Variants in TKTL1 observed in about 807,000 individuals in gnomAD.
TKTL1 encodes the protein transketolase like 1.
TKTL1 carries 1 observed loss-of-function variant against 39.3 expected under a neutral mutation model. That is an observed-to-expected ratio of 0.03 (90% CI 0.01 to 0.12). The LOEUF (loss-of-function observed/expected upper bound fraction) is 0.12, where lower values mean the gene tolerates loss of function less well. TKTL1 is among the 10% of genes least tolerant of loss of function. The probability of loss-of-function intolerance (pLI) is 1.00; values close to 1 mark genes in which losing one functional copy is unlikely to be tolerated. For missense variants in TKTL1, 575 were observed against 509.6 expected (o/e 1.13, Z -1.24); for synonymous variants, 262 against 193.8 (o/e 1.35, Z -2.92).
chrX:154,316,956 G>GA lies in TKTL1; in HGVS notation c.1029+1620dup, dbSNP rs1444573585. ...GGCTAATTTTTGTGTTTTTAGTGGA[G>GA]ACAGGGTTTCACCATGTTGGTCAGG... On this transcript the variant is annotated intron_variant, in intron 7 of 12. Coordinates refer to ENST00000369915, the MANE Select transcript of TKTL1 (RefSeq NM_012253.4). 5.4e-5 allele frequency among the ~76,000 whole-genome samples: 6 copies of GA among 110,290 alleles called. No individual in the cohort carries two copies. In the East Asian group the frequency reaches 1.4e-3, roughly 26 times the overall value.
chrX:154,321,245 G>A (rs1186185786), intron 8 of TKTL1, among the ~76,000 whole-genome samples: 2 of 109,559 alleles, frequency 1.8e-5, no homozygotes, highest in Non-Finnish European at 3.8e-5. Flanking sequence ...GTCTAACTGA[G>A]GGTGAACAGC....
Position 154,329,758 on chromosome X carries a change from A to C in TKTL1, c.*70A>C. ...ATGTTTGTTCCAAAACCATCATTTA[A>C]ATCTCTACTGTCACATTTTGTTTCT... On this transcript the variant is annotated 3_prime_UTR_variant, in exon 13 of 13. Coordinates refer to ENST00000369915, the MANE Select transcript of TKTL1 (RefSeq NM_012253.4). 9.1e-7 allele frequency: 1 copy of C among 1,104,902 alleles called. No homozygotes were observed. The highest frequency in any genetic ancestry group is 1.2e-6 in the Non-Finnish European group (1 of 811,860). 91.1% of individuals were successfully genotyped at this position (1,104,902 alleles called of 1,213,427 possible). A position where few individuals can be genotyped will look rare whatever the true frequency, so the allele number is the denominator to read the frequency against.
At chrX:154,303,175 A>T (rs1270521468) in intron 1 of TKTL1, among the ~76,000 whole-genome samples, 2 of 92,688 alleles carry the variant, frequency 2.2e-5, no homozygotes, top group Non-Finnish European at 4.2e-5. Context: ...ATTTTTTAAA[A>T]TTTTTATTTA....
intron 3 of TKTL1, among the ~76,000 whole-genome samples, chrX:154,310,476 G>C (rs1249061991): frequency 1.8e-5 from 2 of 112,382 alleles, no homozygotes; most frequent in Non-Finnish European, 3.8e-5. Context: ...CTTTAAAAGG[G>C]AACTTACCAG....
intron 1 of TKTL1, among the ~76,000 whole-genome samples, chrX:154,296,216 C>A (rs782510189): frequency 2.7e-5 from 3 of 111,213 alleles, no homozygotes; most frequent in Non-Finnish European, 5.7e-5. Context: ...TGGTCAGCCG[C>A]GGGTTCTGGA....
At chrX:154,328,413 G>C (rs782650961) in intron 12 of TKTL1, among the ~76,000 whole-genome samples, 29 of 106,233 alleles carry the variant, frequency 2.7e-4, no homozygotes, top group African/African-American at 9.9e-4. Context: ...GGGTGTGGTG[G>C]TGCATGCCTG....
intron 6 of TKTL1, 52 bp from the exon 7 acceptor site, chrX:154,315,121 C>T: frequency 1.8e-6 from 2 of 1,137,662 alleles, no homozygotes; most frequent in Non-Finnish European, 1.2e-6. Context: ...GTAGTCGTTC[C>T]TTCTAAATGC....
intron 2 of TKTL1, among the ~76,000 whole-genome samples, chrX:154,306,749 A>G (rs1557167302): frequency 9.1e-6 from 1 of 109,348 alleles, no homozygotes; most frequent in Non-Finnish European, 1.9e-5. Flanking sequence ...CGATCTTCCC[A>G]TTTCAGCCTC....
At chrX:154,302,127 C>G (rs1331724439) in intron 1 of TKTL1, among the ~76,000 whole-genome samples, 1 of 110,792 alleles carries the variant, frequency 9.0e-6, no homozygotes, top group Non-Finnish European at 1.9e-5. Flanking sequence ...CTTTCGGGTT[C>G]TCAATCGCCC....
intron 7 of TKTL1, among the ~76,000 whole-genome samples, chrX:154,317,267 A>G (rs372723523): frequency 8.9e-6 from 1 of 112,167 alleles, no homozygotes; most frequent in East Asian, 2.8e-4. Flanking sequence ...ATTTAGTGCC[A>G]TGTTGAAAGA....
At chrX:154,323,894 C>T (rs782803800) in intron 9 of TKTL1, among the ~76,000 whole-genome samples, 1 of 112,579 alleles carries the variant, frequency 8.9e-6, no homozygotes, top group Admixed American at 9.4e-5. Flanking sequence ...CTGTTCAGAA[C>T]CTAGCTGCAC....
At position 154,315,260 on chromosome X, in the gene TKTL1, T is replaced by C. The variant is rs983313024; in HGVS notation, c.952T>C (p.Tyr318His). 1 of 1,210,967 alleles carries C rather than the reference T, an allele frequency of 8.3e-7. No individual in the cohort carries two copies. Among genetic ancestry groups the C allele is most frequent in the East Asian group, 3.0e-5 (1 of 33,826 alleles). Residue 318 changes from tyrosine to histidine, a missense_variant, in exon 7 of 13, where the codon TAC becomes CAC. Transcript: ENST00000369915. Reference protein sequence around the residue: ...RVVVLDGDTRYSTFSEIFNKE... With the variant: ...RVVVLDGDTRHSTFSEIFNKE... ...CGTTGTGCTGGATGGTGACACCAGG[T>C]ACTCTACTTTCTCTGAGATATTCAA...
rs1603351542 is a variant in TKTL1, at chrX:154,304,049, C to A, written c.135-1255C>A. Among the ~76,000 whole-genome samples the A allele has an allele frequency of 3.6e-5, 4 of 110,317 alleles. No individual in the cohort carries two copies. In the South Asian group the frequency reaches 1.6e-3, roughly 43 times the overall value. The stretch of plus-strand genomic sequence containing the variant: ...ACAAGGATGGGGTGGGAGTGTGTCA[C>A]CCCCCTTTCTACCGACCCTCAGCAG... On this transcript the variant is annotated intron_variant, in intron 1 of 12. Transcript: ENST00000369915.
intron 12 of TKTL1, 72 bp downstream of exon 12, chrX:154,328,030 C>G (rs1293145665): frequency 2.6e-6 from 3 of 1,147,122 alleles, no homozygotes; most frequent in Non-Finnish European, 3.6e-6. Context: ...ACATGGCATG[C>G]TCTCAGGCAT....
rs782275867 is a variant in TKTL1, at chrX:154,305,099, C to T, written c.135-205C>T. 8.1e-5 allele frequency: 93 copies of T among 1,146,574 alleles called. No homozygotes were observed. In the African/African-American group the frequency reaches 1.5e-3, roughly 18 times the overall value. The allele number at this position is 1,146,574 out of a possible 1,213,427, so 94.5% of individuals were successfully genotyped here. A position where few individuals can be genotyped will look rare whatever the true frequency, so the allele number is the denominator to read the frequency against. The stretch of plus-strand genomic sequence containing the variant: ...ACGGTGCTCTGCGGTTAGGAGCTGG[C>T]CTCACTGTGCACAGGGGGAGGGGTG... On this transcript the variant is annotated intron_variant, in intron 1 of 12. Transcript: ENST00000369915.
chrX:154,325,226 T>C, intron 9 of TKTL1, 113 bp from the exon 10 acceptor site: 1 of 723,594 alleles, frequency 1.4e-6, no homozygotes. Context: ...CCAAAGCCTG[T>C]GTTTTTAGTA....
chrX:154,312,062 T>G (rs782068267), intron 5 of TKTL1, among the ~76,000 whole-genome samples: 1 of 112,100 alleles, frequency 8.9e-6, no homozygotes, highest in African/African-American at 3.2e-5. Context: ...CTACAGTGGA[T>G]CTGATCAGTC....
At chrX:154,297,629 A>G (rs965681303) in intron 1 of TKTL1, among the ~76,000 whole-genome samples, 1 of 111,487 alleles carries the variant, frequency 9.0e-6, no homozygotes, top group Non-Finnish European at 1.9e-5. Context: ...ATGAGTTTCA[A>G]AGTGTTCCAC....
chrX:154,295,816 G>A lies in TKTL1; in HGVS notation c.-44G>A, dbSNP rs782211395. On this transcript the variant is annotated 5_prime_UTR_variant, in exon 1 of 13. Coordinates refer to ENST00000369915, the MANE Select transcript of TKTL1 (RefSeq NM_012253.4). ...AGGCGCCATTCGCTCTTCAGACGCC[G>A]GAGACGTAGGAGTGGGTCTTCAGAC... The A allele has an allele frequency of 1.7e-5, 20 of 1,190,469 alleles. No individual in the cohort carries two copies. In the East Asian group the frequency reaches 3.3e-4, roughly 20 times the overall value.
Sources: gnomAD v4.1 joint callset for allele counts (sites outside exome capture counted in the v4.1 genomes callset) on GRCh38, gnomAD v4.1.1 for gene constraint, MANE v1.5 for transcripts, NCBI Gene and HGNC (gene_info 2026-07-23, HGNC 2026-07-21) for gene names.